The following PHF2 variants were observed in gnomAD, a reference collection of about 807,000 sequenced individuals.
The protein encoded by PHF2 is PHD finger protein 2, also known as lysine-specific demethylase PHF2.
In PHF2, 27 loss-of-function variants were observed where a neutral mutation model predicts 120.5. The observed-to-expected ratio is 0.22, with a 90% CI of 0.17 to 0.31. The LOEUF (loss-of-function observed/expected upper bound fraction) is 0.31, where lower values mean the gene tolerates loss of function less well. Ranked by LOEUF, PHF2 falls within the 10% of genes least tolerant of loss-of-function variation. The pLI, the probability that PHF2 is intolerant of heterozygous loss-of-function variation, is 1.00. For missense variants in PHF2, 1,024 were observed against 1,434.8 expected (o/e 0.71, Z 4.63); for synonymous variants, 568 against 592.5 (o/e 0.96, Z 0.60).
chr9:93,659,432 G>A lies in PHF2; in HGVS notation c.1240-79G>A, dbSNP rs1172793656. On this transcript the variant is annotated intron_variant, in intron 10 of 21. Transcript: ENST00000359246. ...CATCTGAGTGGCTCGGCAGTCAGGC[G>A]ACAGCCTGCAAGAATGCAGGGGTAA... 5.9e-6 allele frequency: 7 copies of A among 1,195,660 alleles called. No homozygotes were observed. In the East Asian group the frequency reaches 7.3e-5, roughly 12 times the overall value. The allele number at this position is 1,195,660 out of a possible 1,614,324, so 74.1% of individuals were successfully genotyped here. A position where few individuals can be genotyped will look rare whatever the true frequency, so the allele number is the denominator to read the frequency against.
intron 1 of PHF2, among the ~76,000 whole-genome samples, chr9:93,616,738 C>G (rs1825735846): frequency 6.6e-6 from 1 of 151,934 alleles, no homozygotes; most frequent in Non-Finnish European, 1.5e-5. Context: ...TCACCGCAAC[C>G]TCCGCCTCCT....
At chr9:93,658,709 G>C (rs1327474323) in intron 10 of PHF2, among the ~76,000 whole-genome samples, 1 of 152,040 alleles carries the variant, frequency 6.6e-6, no homozygotes, top group Non-Finnish European at 1.5e-5. Flanking sequence ...CACCCTGTCG[G>C]CTCCTCCTGG....
At position 93,578,513 on chromosome 9, in the gene PHF2, G is replaced by C. The variant is rs1862876209; in HGVS notation, c.98+1642G>C. On this transcript the variant is annotated intron_variant, in intron 1 of 21. Transcript: ENST00000359246. ...TCTCCCCCATCTCCACCGGAGCCCT[G>C]ACCTGGCGAGCGCAGTCACTCTGCT... Among the ~76,000 whole-genome samples the C allele has an allele frequency of 2.0e-5, 3 of 152,212 alleles. No individual in the cohort carries two copies. The South Asian group carries it at 6.2e-4, about 32-fold the overall frequency.
At chr9:93,592,625 C>T (rs146158744) in intron 1 of PHF2, among the ~76,000 whole-genome samples, 152 of 152,266 alleles carry the variant, frequency 1.0e-3, no homozygotes, top group Non-Finnish European at 1.8e-3. Flanking sequence ...CGAGCCAAAG[C>T]GTGCTGTTGT....
chr9:93,606,365 A>G (rs1212541869), intron 1 of PHF2, among the ~76,000 whole-genome samples: 1 of 152,176 alleles, frequency 6.6e-6, no homozygotes, highest in African/African-American at 2.4e-5. Context: ...GTGTTGCTCT[A>G]CATCCTTGTC....
At chr9:93,660,058 G>A (rs1826532072) in intron 11 of PHF2, 134 bp from the exon 12 acceptor site, 1 of 1,079,672 alleles carries the variant, frequency 9.3e-7, no homozygotes, top group Non-Finnish European at 1.3e-6. Context: ...GATGGTGTGG[G>A]GTAGCTGAGC....
chr9:93,577,232 G>C (rs1418858103), intron 1 of PHF2, among the ~76,000 whole-genome samples: 3 of 151,168 alleles, frequency 2.0e-5, no homozygotes, highest in Admixed American at 6.6e-5. Flanking sequence ...CGGGCATCCG[G>C]AGGGAGGCCG....
chr9:93,613,148 G>C (rs1280126010), intron 1 of PHF2, among the ~76,000 whole-genome samples: 1 of 152,240 alleles, frequency 6.6e-6, no homozygotes, highest in Non-Finnish European at 1.5e-5. Context: ...CCACAGTTCA[G>C]GTGGCTCTGC....
chr9:93,629,182 T>G (rs1825958636), intron 1 of PHF2, among the ~76,000 whole-genome samples: 1 of 152,190 alleles, frequency 6.6e-6, no homozygotes, highest in Non-Finnish European at 1.5e-5. Flanking sequence ...ATTACAGACA[T>G]GAGCCACCGT....
chr9:93,594,163 G>A (rs10118281), intron 1 of PHF2, among the ~76,000 whole-genome samples: 2,642 of 144,698 alleles, frequency 0.018, 79 homozygotes, highest in African/African-American at 0.063. Flanking sequence ...CTGCCCTTCC[G>A]GCACACCCCC....
chr9:93,579,885 A>G (rs1049820728), intron 1 of PHF2, among the ~76,000 whole-genome samples: 5 of 152,310 alleles, frequency 3.3e-5, no homozygotes, highest in African/African-American at 1.2e-4. Context: ...ACTTGCTTCT[A>G]GGGTGTTTGC....
intron 2 of PHF2, among the ~76,000 whole-genome samples, chr9:93,630,411 A>C (rs1250039722): frequency 6.6e-6 from 1 of 152,174 alleles, no homozygotes; most frequent in Non-Finnish European, 1.5e-5. Flanking sequence ...CCCCCAGCCT[A>C]GCCCGGCCCA....
rs114376448 is a variant in PHF2 at position 93,581,383 on chromosome 9, A to G, written c.98+4512A>G. On this transcript the variant is annotated intron_variant, in intron 1 of 21. Transcript: ENST00000359246. ...ATCTGGGTGATCAGAACTGACAGTT[A>G]AATCCTAGAACCTCAAATGCCGGGG... 5.1e-3 allele frequency among the ~76,000 whole-genome samples: 770 copies of G among 152,302 alleles called. 10 individuals are homozygous for G. Among genetic ancestry groups the G allele is most frequent in the African/African-American group, 0.018 (735 of 41,558 alleles).
At chr9:93,635,230 C>T (rs577761835) in intron 2 of PHF2, among the ~76,000 whole-genome samples, 35 of 152,284 alleles carry the variant, frequency 2.3e-4, no homozygotes, top group Admixed American at 5.2e-4. Context: ...CCACCCAGCC[C>T]TTCTCCTTCG....
chr9:93,657,171 AGCGTGAG>A (rs1826476327), intron 9 of PHF2, among the ~76,000 whole-genome samples: 1 of 151,634 alleles, frequency 6.6e-6, no homozygotes, highest in Non-Finnish European at 1.5e-5. Context: ...ACTGCCCAGC[AGCGTGAG>A]GGAGCCTGCA....
intron 1 of PHF2, among the ~76,000 whole-genome samples, chr9:93,593,125 C>G (rs13287473): frequency 9.0e-6 from 1 of 111,508 alleles, no homozygotes; most frequent in African/African-American, 3.6e-5. Flanking sequence ...AAAAAAAGGA[C>G]TAAGAACAGA....
chr9:93,631,463 T>A lies in PHF2; in HGVS notation c.184+1408T>A, dbSNP rs376252960. Among the ~76,000 whole-genome samples, 361 of 152,328 alleles carry A rather than the reference T, an allele frequency of 2.4e-3. 1 individual carries two copies. The highest frequency in any genetic ancestry group is 8.3e-3 in the African/African-American group (343 of 41,574). Reference sequence around the variant, plus strand: ...TCCTAAATTGCCTTCTTACTCCTGGTCCCCAGTAGTTGGCTGCATTTATGC... The same window carrying A: ...TCCTAAATTGCCTTCTTACTCCTGGACCCCAGTAGTTGGCTGCATTTATGC... On this transcript the variant is annotated intron_variant, in intron 2 of 21. Coordinates refer to ENST00000359246, the MANE Select transcript of PHF2 (RefSeq NM_005392.4).
At chr9:93,674,864 C>T (rs751331935) in intron 18 of PHF2, 63 bp from the exon 19 acceptor site, 66 of 1,210,004 alleles carry the variant, frequency 5.5e-5, no homozygotes, top group Middle Eastern at 3.8e-4. Flanking sequence ...TGTACCCCCC[C>T]GCCCTCCTCC....
intron 5 of PHF2, 149 bp downstream of exon 5, chr9:93,649,361 T>C: frequency 5.6e-6 from 3 of 532,294 alleles, no homozygotes; most frequent in South Asian, 3.6e-5. Context: ...GTTTCTCTCT[T>C]TTAAATTTTT....
Sources: allele counts gnomAD v4.1 joint callset (sites outside exome capture counted in the v4.1 genomes callset), GRCh38; gene constraint gnomAD v4.1.1; transcripts MANE v1.5; gene names NCBI Gene and HGNC (gene_info 2026-07-23, HGNC 2026-07-21).